DAB1: variants seen among roughly 807,000 people sequenced by gnomAD.
DAB1 encodes disabled homolog 1.
A neutral mutation model predicts 64.6 loss-of-function variants in DAB1; 15 were observed. The ratio of observed to expected loss-of-function variants is 0.23; its 90% CI spans 0.16 to 0.36. The LOEUF (loss-of-function observed/expected upper bound fraction) is 0.36, where lower values mean the gene tolerates loss of function less well. DAB1 is among the 10% of genes least tolerant of loss of function. The pLI is 1.00. For synonymous variants in DAB1, 235 were observed against 251.9 expected, an observed-to-expected ratio of 0.93 and a Z score of 0.64; for missense variants, 596 against 706.7, an observed-to-expected ratio of 0.84 and a Z score of 1.78.
At chr1:57,083,252 C>G (rs1388838414) in intron 4 of DAB1, among the ~76,000 whole-genome samples, 5 of 152,226 alleles carry the variant, frequency 3.3e-5, no homozygotes, top group Non-Finnish European at 5.9e-5. Context: ...CAGACCTGGA[C>G]TGCTGCCAGG....
chr1:57,809,559 T>C (rs1299910406), intron 6 of DAB1, among the ~76,000 whole-genome samples: 3 of 152,210 alleles, frequency 2.0e-5, no homozygotes, highest in Non-Finnish European at 2.9e-5. Context: ...GATAAACTAA[T>C]ATTTTAGGGT....
intron 6 of DAB1, among the ~76,000 whole-genome samples, chr1:57,724,365 G>C (rs1647184468): frequency 6.8e-6 from 1 of 147,532 alleles, no homozygotes; most frequent in African/African-American, 2.5e-5. Flanking sequence ...GGAGGGAAGG[G>C]AGGGAGGCAA....
At chr1:57,386,186 A>G (rs143645895) in intron 1 of DAB1, among the ~76,000 whole-genome samples, 160 of 152,206 alleles carry the variant, frequency 1.1e-3, no homozygotes, top group South Asian at 7.5e-3. Flanking sequence ...GATGGTATCT[A>G]TCCATTTATT....
At chr1:57,394,406 G>A (rs989987394) in intron 1 of DAB1, among the ~76,000 whole-genome samples, 6 of 152,176 alleles carry the variant, frequency 3.9e-5, no homozygotes, top group Non-Finnish European at 5.9e-5. Context: ...GATCTCAATC[G>A]CTGTTTACTG....
At chr1:58,323,515 C>A (rs575918965) in intron 4 of DAB1, among the ~76,000 whole-genome samples, 1 of 152,070 alleles carries the variant, frequency 6.6e-6, no homozygotes, top group Non-Finnish European at 1.5e-5. Flanking sequence ...TAAGAGGCAT[C>A]ATAACACCAC....
chr1:58,482,784 G>A (rs1645511170), intron 3 of DAB1, among the ~76,000 whole-genome samples: 1 of 152,160 alleles, frequency 6.6e-6, no homozygotes. Flanking sequence ...AGGGAGATGG[G>A]AGCGTGCCTG....
intron 4 of DAB1, among the ~76,000 whole-genome samples, chr1:57,084,448 T>C (rs1652855725): frequency 6.6e-6 from 1 of 152,222 alleles, no homozygotes; most frequent in Non-Finnish European, 1.5e-5. Flanking sequence ...ACATTTCTGT[T>C]GTTTCAGCTG....
rs533870691 is a variant in DAB1 at position 57,830,481 on chromosome 1, C to T, written n.88-4026G>A. On this transcript the variant is annotated intron_variant and non_coding_transcript_variant, in intron 1 of 1. Transcript: ENST00000477280. ...CAGGATTTAAACCCAGGCAGCGTGA[C>T]CTCAAAGCTGGCCTTCTCAAACACT... 2.0e-5 allele frequency among the ~76,000 whole-genome samples: 3 copies of T among 152,298 alleles called. No individual in the cohort carries two copies. In the South Asian group the frequency reaches 6.2e-4, roughly 32 times the overall value.
At chr1:58,028,760 A>G (rs943685011) in intron 5 of DAB1, among the ~76,000 whole-genome samples, 1 of 152,182 alleles carries the variant, frequency 6.6e-6, no homozygotes, top group Non-Finnish European at 1.5e-5. Flanking sequence ...CAAATTTGCA[A>G]ATGTGGAATC....
At chr1:58,254,345 G>T (rs1660874464) in intron 4 of DAB1, among the ~76,000 whole-genome samples, 1 of 151,894 alleles carries the variant, frequency 6.6e-6, no homozygotes, top group Non-Finnish European at 1.5e-5. Flanking sequence ...CTTTGAGAGA[G>T]GTCGAGATCA....
intron 4 of DAB1, among the ~76,000 whole-genome samples, chr1:58,310,890 C>A (rs577914521): frequency 1.3e-5 from 2 of 152,106 alleles, no homozygotes; most frequent in Non-Finnish European, 2.9e-5. Flanking sequence ...AAAAAGGTAA[C>A]CTAGGCATCA....
intron 5 of DAB1, among the ~76,000 whole-genome samples, chr1:58,076,189 G>C (rs1383440596): frequency 6.6e-6 from 1 of 152,162 alleles, no homozygotes; most frequent in East Asian, 1.9e-4. Context: ...GATGGTTCAT[G>C]TCTATTTACT....
intron 3 of DAB1, among the ~76,000 whole-genome samples, chr1:58,375,106 A>T (rs1185785942): frequency 3.4e-5 from 5 of 147,236 alleles, no homozygotes; most frequent in East Asian, 2.0e-4. Context: ...TTTCTAGATA[A>T]ACAATCATGT....
At chr1:57,395,731 ATGG>A (rs1682751152) in intron 1 of DAB1, among the ~76,000 whole-genome samples, 1 of 147,406 alleles carries the variant, frequency 6.8e-6, no homozygotes, top group African/African-American at 2.6e-5. Context: ...CAGGTATCCC[ATGG>A]CTACCATATT....
intron 1 of DAB1, among the ~76,000 whole-genome samples, chr1:57,409,485 TGACA>T (rs1365978217): frequency 6.6e-6 from 1 of 152,224 alleles, no homozygotes; most frequent in Non-Finnish European, 1.5e-5. Flanking sequence ...ACATACTGAC[TGACA>T]GAGTTTCAAT....
At chr1:57,006,800 T>C (rs1418902819) in intron 14 of DAB1, among the ~76,000 whole-genome samples, 1 of 152,220 alleles carries the variant, frequency 6.6e-6, no homozygotes, top group Middle Eastern at 3.2e-3. Flanking sequence ...ATACATGTAC[T>C]TTACTTTCAA....
chr1:57,566,650 A>C lies in DAB1; in HGVS notation n.625+82942T>G, dbSNP rs570893660. Among the ~76,000 whole-genome samples, 27 of 152,226 alleles carry C rather than the reference A, an allele frequency of 1.8e-4. No homozygotes were observed. The East Asian group carries it at 4.6e-3, about 26-fold the overall frequency. On this transcript the variant is annotated intron_variant and non_coding_transcript_variant, in intron 7 of 20. Transcript: ENST00000485760. ...CCATCAGAGAATACTATAAACACCT[A>C]AACACAAATAAACTAGAAAATCTAG...
chr1:57,024,432 A>G (rs1270993184), intron 10 of DAB1, among the ~76,000 whole-genome samples: 1 of 152,308 alleles, frequency 6.6e-6, no homozygotes, highest in East Asian at 1.9e-4. Context: ...TACAGAGTGT[A>G]AATCTGTTCG....
At chr1:58,415,778 C>A (rs987542107) in intron 3 of DAB1, among the ~76,000 whole-genome samples, 8 of 152,178 alleles carry the variant, frequency 5.3e-5, no homozygotes, top group African/African-American at 1.7e-4. Context: ...ATTGCAGGGG[C>A]CCTGCTGCCT....
Sources: allele counts gnomAD v4.1 joint callset (sites outside exome capture counted in the v4.1 genomes callset), GRCh38; gene constraint gnomAD v4.1.1; transcripts MANE v1.5; gene names NCBI Gene and HGNC (gene_info 2026-07-23, HGNC 2026-07-21).